Variants in DLG2 observed in about 807,000 individuals in gnomAD.
DLG2 encodes discs large MAGUK scaffold protein 2, also known as disks large homolog 2.
Under a neutral mutation model 132.5 loss-of-function variants are expected in DLG2, and 45 were observed. The ratio of observed to expected loss-of-function variants is 0.34; its 90% CI spans 0.27 to 0.44. The LOEUF (loss-of-function observed/expected upper bound fraction) is 0.44. DLG2 is among the 20% of genes least tolerant of loss of function. DLG2 has a pLI of 1.00. For synonymous variants in DLG2, 424 were observed against 419.6 expected (o/e 1.01, Z -0.13); for missense variants, 1,045 against 1,196.9 (o/e 0.87, Z 1.87).
intron 15 of DLG2, among the ~76,000 whole-genome samples, chr11:83,874,896 G>A (rs7933890): frequency 0.38 from 57,633 of 151,892 alleles, 11,117 homozygotes; most frequent in South Asian, 0.51. Flanking sequence ...AACGATAGGT[G>A]AACATTAAAA....
intron 3 of DLG2, among the ~76,000 whole-genome samples, chr11:85,518,376 A>C (rs2094211255): frequency 6.6e-6 from 1 of 152,196 alleles, no homozygotes; most frequent in Non-Finnish European, 1.5e-5. Flanking sequence ...AACTGGAGCA[A>C]AGGTGACTAC....
chr11:84,746,654 A>T (rs1231324350), intron 6 of DLG2, among the ~76,000 whole-genome samples: 2 of 152,206 alleles, frequency 1.3e-5, no homozygotes, highest in Non-Finnish European at 2.9e-5. Flanking sequence ...CAATTTTATT[A>T]CTTATTTTCC....
chr11:83,480,741 A>G, intron 22 of DLG2: 1 of 892,646 alleles, frequency 1.1e-6, no homozygotes, highest in Non-Finnish European at 1.8e-6. Context: ...GATTTATGTG[A>G]CAATGACTAG....
At chr11:84,093,028 T>G (rs1421036023) in intron 10 of DLG2, among the ~76,000 whole-genome samples, 1 of 133,852 alleles carries the variant, frequency 7.5e-6, no homozygotes, top group Non-Finnish European at 1.5e-5. Flanking sequence ...AGAGTGAGTC[T>G]CCGTCAAAAA....
chr11:85,521,783 T>C (rs2074332649), intron 3 of DLG2, among the ~76,000 whole-genome samples: 1 of 152,158 alleles, frequency 6.6e-6, no homozygotes, highest in Non-Finnish European at 1.5e-5. Flanking sequence ...TTTAGCAAAA[T>C]GACTGATGGC....
intron 15 of DLG2, among the ~76,000 whole-genome samples, chr11:83,881,353 TTAC>T (rs1461741497): frequency 6.6e-6 from 1 of 152,188 alleles, no homozygotes; most frequent in Non-Finnish European, 1.5e-5. Context: ...CCCAATATAG[TTAC>T]CACATGTTAA....
chr11:85,107,402 G>A (rs1277437706), intron 6 of DLG2, among the ~76,000 whole-genome samples: 1 of 151,946 alleles, frequency 6.6e-6, no homozygotes, highest in Non-Finnish European at 1.5e-5. Flanking sequence ...CTGGGTTTGG[G>A]GATATTCCTC....
chr11:85,309,553 A>G (rs1463168809), intron 3 of DLG2, among the ~76,000 whole-genome samples: 2 of 152,130 alleles, frequency 1.3e-5, no homozygotes, highest in Admixed American at 6.6e-5. Context: ...AAGATTCCCA[A>G]TAGGCATTTA....
chr11:83,844,619 C>T (rs572557797), intron 16 of DLG2, among the ~76,000 whole-genome samples: 2 of 146,856 alleles, frequency 1.4e-5, no homozygotes, highest in East Asian at 4.2e-4. Flanking sequence ...ATAAGTTACA[C>T]TTGCAAACAG....
At chr11:84,664,506 C>G (rs1461055705) in intron 6 of DLG2, among the ~76,000 whole-genome samples, 1 of 152,090 alleles carries the variant, frequency 6.6e-6, no homozygotes, top group East Asian at 1.9e-4. Context: ...AACATAAACT[C>G]ATTTTTCCTA....
intron 3 of DLG2, among the ~76,000 whole-genome samples, chr11:85,420,590 C>A (rs1481204019): frequency 6.6e-6 from 1 of 152,222 alleles, no homozygotes; most frequent in African/African-American, 2.4e-5. Context: ...TATAAGCCCC[C>A]TGACTGTGGC....
intron 18 of DLG2, among the ~76,000 whole-genome samples, chr11:83,752,843 G>C (rs923035783): frequency 1.3e-5 from 2 of 152,198 alleles, no homozygotes; most frequent in African/African-American, 4.8e-5. Context: ...TTCATCCACA[G>C]TTCCAGGAAA....
intron 3 of DLG2, among the ~76,000 whole-genome samples, chr11:85,406,281 G>A (rs187882526): frequency 6.6e-6 from 1 of 151,066 alleles, no homozygotes; most frequent in East Asian, 2.0e-4. Flanking sequence ...AAAAAAAAAA[G>A]AAGGAAAAAA....
intron 8 of DLG2, among the ~76,000 whole-genome samples, chr11:84,221,205 C>T (rs2154325992): frequency 6.6e-6 from 1 of 152,040 alleles, no homozygotes; most frequent in South Asian, 2.1e-4. Flanking sequence ...GCGCAGTGGG[C>T]CTGTAATCCC....
intron 4 of DLG2, among the ~76,000 whole-genome samples, chr11:85,282,782 C>A (rs2078312905): frequency 6.6e-6 from 1 of 151,890 alleles, no homozygotes; most frequent in Admixed American, 6.6e-5. Flanking sequence ...GACACATGCA[C>A]CCCTGTATGT....
intron 15 of DLG2, among the ~76,000 whole-genome samples, chr11:83,895,506 C>T (rs1462487667): frequency 1.3e-5 from 2 of 152,070 alleles, no homozygotes; most frequent in African/African-American, 2.4e-5. Context: ...ATTAGGTGAG[C>T]GAAACTTCAT....
chr11:84,043,728 T>C (rs1429232422), intron 11 of DLG2, among the ~76,000 whole-genome samples: 1 of 151,816 alleles, frequency 6.6e-6, no homozygotes, highest in Non-Finnish European at 1.5e-5. Flanking sequence ...GTGCTCATCA[T>C]AATTATCTCA....
chr11:84,235,252 A>C (rs1484220195), intron 8 of DLG2, among the ~76,000 whole-genome samples: 1 of 152,220 alleles, frequency 6.6e-6, no homozygotes, highest in Non-Finnish European at 1.5e-5. Context: ...TTATGTCTCC[A>C]TAAAATGTAT....
intron 6 of DLG2, among the ~76,000 whole-genome samples, chr11:84,891,802 A>G (rs1205034024): frequency 6.6e-6 from 1 of 152,152 alleles, no homozygotes; most frequent in Admixed American, 6.6e-5. Flanking sequence ...TTTGTGCCAG[A>G]TATGTGAACA....
Sources: allele counts gnomAD v4.1 joint callset (sites outside exome capture counted in the v4.1 genomes callset), GRCh38; gene constraint gnomAD v4.1.1; transcripts MANE v1.5; gene names NCBI Gene and HGNC (gene_info 2026-07-23, HGNC 2026-07-21).